The following TBC1D31 variants were observed in gnomAD, a reference collection of about 807,000 sequenced individuals.
TBC1D31 encodes the protein TBC1 domain family member 31, also known as WD repeat domain 67.
A neutral mutation model predicts 132.9 loss-of-function variants in TBC1D31; 99 were observed. That is an observed-to-expected ratio of 0.74 (90% CI 0.63 to 0.88). The LOEUF (loss-of-function observed/expected upper bound fraction) is 0.88. TBC1D31 is among the 40% of genes least tolerant of loss of function. The probability of loss-of-function intolerance (pLI) is 0.00; values close to 1 mark genes in which losing one functional copy is unlikely to be tolerated. For missense variants in TBC1D31, 1,134 were observed against 1,256.6 expected, an observed-to-expected ratio of 0.90 and a Z score of 1.48; for synonymous variants, 385 against 419.4, an observed-to-expected ratio of 0.92 and a Z score of 1.00.
At chr8:123,153,861 T>G (rs1189680233), downstream of TBC1D31, among the ~76,000 whole-genome samples, 1 of 152,216 alleles carries the variant, frequency 6.6e-6, no homozygotes, top group Non-Finnish European at 1.5e-5. Flanking sequence ...ATCCATAAAG[T>G]TTCTCTCTGG....
At chr8:123,118,062 A>G (rs1276617032) in intron 10 of TBC1D31, among the ~76,000 whole-genome samples, 1 of 152,254 alleles carries the variant, frequency 6.6e-6, no homozygotes, top group African/African-American at 2.4e-5. Flanking sequence ...GGAACAATCT[A>G]GAAAATAACT....
intron 4 of TBC1D31, among the ~76,000 whole-genome samples, chr8:123,092,869 T>A (rs1816474749): frequency 6.8e-6 from 1 of 146,522 alleles, no homozygotes; most frequent in Non-Finnish European, 1.5e-5. Context: ...TAAAGTGCGG[T>A]GGCGGGGTCT....
intron 4 of TBC1D31, among the ~76,000 whole-genome samples, chr8:123,086,021 GAAAATGAGATA>G: frequency 6.6e-6 from 1 of 152,288 alleles, no homozygotes; most frequent in South Asian, 2.1e-4. Flanking sequence ...GGGCTGGTGA[GAAAATGAGATA>G]AAATAAATAA....
chr8:123,130,174 C>A, intron 15 of TBC1D31, 24 bp from the exon 16 acceptor site: 1 of 1,594,380 alleles, frequency 6.3e-7, no homozygotes, highest in Non-Finnish European at 8.5e-7. Flanking sequence ...GTATTTGTTC[C>A]ACTTGATGTA....
chr8:123,125,962 A>T (rs1453946031), intron 11 of TBC1D31, 94 bp from the exon 12 acceptor site: 1 of 909,102 alleles, frequency 1.1e-6, no homozygotes, highest in East Asian at 2.7e-5. Context: ...GGACATATTG[A>T]GAACATAAAG....
intron 17 of TBC1D31, among the ~76,000 whole-genome samples, chr8:123,140,286 C>A (rs554586485): frequency 6.6e-6 from 1 of 152,082 alleles, no homozygotes; most frequent in Non-Finnish European, 1.5e-5. Flanking sequence ...CACTTGAACC[C>A]GGGAGGTGGA....
chr8:123,084,414 T>C (rs1815502741), intron 4 of TBC1D31, 74 bp downstream of exon 4: 2 of 1,372,026 alleles, frequency 1.5e-6, no homozygotes, highest in South Asian at 1.3e-5. Flanking sequence ...GTATAGATGA[T>C]ATAAGAGTAA....
chr8:123,147,172 T>G (rs1822297643), intron 20 of TBC1D31, among the ~76,000 whole-genome samples: 1 of 152,008 alleles, frequency 6.6e-6, no homozygotes, highest in South Asian at 2.1e-4. Flanking sequence ...TTGTTTTTTT[T>G]TTTGGTTGTT....
At chr8:123,120,234 T>C (rs772419675) in intron 11 of TBC1D31, 46 bp downstream of exon 11, 1 of 1,497,478 alleles carries the variant, frequency 6.7e-7, no homozygotes, top group Non-Finnish European at 9.1e-7. Flanking sequence ...TGGATTCTTA[T>C]ACATTTTCCT....
At chr8:123,102,156 T>C (rs1817490197) in intron 7 of TBC1D31, 3 of 446,906 alleles carry the variant, frequency 6.7e-6, no homozygotes, top group Non-Finnish European at 1.3e-5. Context: ...CCAGTCATAT[T>C]GTCCGTGTGT....
intron 1 of TBC1D31, chr8:123,075,175 G>C (rs2094665735): frequency 6.6e-6 from 1 of 152,130 alleles, no homozygotes; most frequent in South Asian, 2.1e-4. Flanking sequence ...TTTGCTCTGA[G>C]TTTAGTTGCC....
intron 4 of TBC1D31, among the ~76,000 whole-genome samples, chr8:123,092,746 T>C (rs1816451221): frequency 6.6e-6 from 1 of 151,784 alleles, no homozygotes; most frequent in Non-Finnish European, 1.5e-5. Flanking sequence ...ACTTCCCAGG[T>C]TCAAGGGATT....
intron 2 of TBC1D31, among the ~76,000 whole-genome samples, chr8:123,079,467 A>G (rs1814907846): frequency 6.6e-6 from 1 of 152,236 alleles, no homozygotes; most frequent in Admixed American, 6.5e-5. Context: ...TTACCAAAAA[A>G]GTAATGGGCC....
chr8:123,082,871 A>G, intron 3 of TBC1D31, 54 bp downstream of exon 3: 1 of 1,230,974 alleles, frequency 8.1e-7, no homozygotes. Context: ...AAACTGAAGA[A>G]CTGCAAGAAC....
At chr8:123,136,202 C>G (rs191859469) in intron 17 of TBC1D31, among the ~76,000 whole-genome samples, 1 of 152,260 alleles carries the variant, frequency 6.6e-6, no homozygotes, top group Admixed American at 6.5e-5. Context: ...TCCATTGTAT[C>G]CAAAATGTCC....
chr8:123,162,751 A>G, the TBC1D31 span, among the ~76,000 whole-genome samples: 7 of 152,366 alleles, frequency 4.6e-5, no homozygotes, highest in Admixed American at 3.9e-4. Flanking sequence ...GCCATGCTGT[A>G]TTAGTCAGCT....
intron 8 of TBC1D31, among the ~76,000 whole-genome samples, chr8:123,106,138 GT>G (rs1817901104): frequency 6.6e-6 from 1 of 152,020 alleles, no homozygotes; most frequent in South Asian, 2.1e-4. Context: ...CTTATCCATG[GT>G]TTTACTTTCC....
intron 10 of TBC1D31, among the ~76,000 whole-genome samples, chr8:123,118,222 A>G (rs920120242): frequency 4.0e-5 from 6 of 151,056 alleles, no homozygotes; most frequent in African/African-American, 1.5e-4. Context: ...ATCAGTGGAA[A>G]AACGGTAAAA....
At chr8:123,081,988 T>C (rs566943540) in intron 2 of TBC1D31, among the ~76,000 whole-genome samples, 2 of 152,386 alleles carry the variant, frequency 1.3e-5, no homozygotes, top group South Asian at 2.1e-4. Flanking sequence ...TTCTTCTTAC[T>C]TTTCTAATAT....
Sources: gnomAD v4.1 joint callset for allele counts (sites outside exome capture counted in the v4.1 genomes callset) on GRCh38, gnomAD v4.1.1 for gene constraint, MANE v1.5 for transcripts, NCBI Gene and HGNC (gene_info 2026-07-23, HGNC 2026-07-21) for gene names.